PRKN: variants seen among roughly 807,000 people sequenced by gnomAD.
PRKN encodes the protein parkin RBR E3 ubiquitin protein ligase, also known as E3 ubiquitin-protein ligase parkin.
PRKN carries 56 observed loss-of-function variants against 59.5 expected under a neutral mutation model. The observed-to-expected ratio is 0.94, with a 90% CI of 0.76 to 1.18. The LOEUF (loss-of-function observed/expected upper bound fraction) is 1.18. Among genes scored for constraint, PRKN ranks in the 50% most tolerant of loss-of-function variants. The pLI is 0.00. For missense variants in PRKN, 657 were observed against 596.4 expected (o/e 1.10, Z -1.06); for synonymous variants, 250 against 222.1 (o/e 1.13, Z -1.12).
At chr6:162,546,126 CAG>C (rs1259485490) in intron 1 of PRKN, among the ~76,000 whole-genome samples, 1 of 108,574 alleles carries the variant, frequency 9.2e-6, no homozygotes, top group Non-Finnish European at 1.7e-5. Flanking sequence ...TTTTTTGAGA[CAG>C]AGTCTCACTC....
intron 6 of PRKN, among the ~76,000 whole-genome samples, chr6:161,936,329 C>T (rs1054136255): frequency 4.6e-5 from 7 of 151,536 alleles, no homozygotes; most frequent in Non-Finnish European, 8.8e-5. Context: ...CTGCCTCAGT[C>T]TCCCAAGCAG....
At chr6:162,230,613 TACAGA>T (rs1042949112) in intron 3 of PRKN, among the ~76,000 whole-genome samples, 2 of 152,218 alleles carry the variant, frequency 1.3e-5, no homozygotes, top group African/African-American at 4.8e-5. Flanking sequence ...CATGTTCTAA[TACAGA>T]ACAGCATACA....
chr6:161,360,205 C>T lies in PRKN; in HGVS notation c.1168G>A (p.Ala390Thr), dbSNP rs777708182. Residue 390 changes from alanine to threonine, a missense_variant and splice_region_variant, in exon 11 of 12, where the codon GCC (alanine) becomes ACC (threonine). Coordinates refer to ENST00000366898, the MANE Select transcript of PRKN (RefSeq NM_004562.3). This position sits in a 1 kb window ranked among gnomAD's most constrained non-coding sequence, Gnocchi z 5.1. Reference sequence around the variant, plus strand: ...GCGGCTCTTTCATCGACTCTGTAGGCCTGGGGAAACAAAGAGGAAAGGCGT... The same window carrying T: ...GCGGCTCTTTCATCGACTCTGTAGGTCTGGGGAAACAAAGAGGAAAGGCGT... ...VFEASGTTTQ[A>T]YRVDERAAEQ... 8.1e-6 allele frequency: 13 copies of T among 1,609,994 alleles called. No individual in the cohort carries two copies. The highest frequency in any genetic ancestry group is 1.7e-5 in the Admixed American group (1 of 60,014).
At chr6:162,135,047 A>G (rs760989935) in intron 4 of PRKN, among the ~76,000 whole-genome samples, 1 of 152,222 alleles carries the variant, frequency 6.6e-6, no homozygotes, top group East Asian at 1.9e-4. Context: ...TACTGATGGC[A>G]TATCAGTAGC....
chr6:162,402,315 C>A (rs1208801248), intron 2 of PRKN, among the ~76,000 whole-genome samples: 1 of 151,784 alleles, frequency 6.6e-6, no homozygotes, highest in African/African-American at 2.4e-5. Flanking sequence ...CCAGCGTTTG[C>A]CAACCATGCT....
Position 161,384,542 on chromosome 6 carries a change from C to CA in PRKN, c.1167+2251dup, listed in dbSNP as rs1255522035. Among the ~76,000 whole-genome samples the CA allele has an allele frequency of 7.9e-5, 12 of 151,900 alleles. No homozygotes were observed. The East Asian group carries it at 2.1e-3, about 27-fold the overall frequency. Reference sequence around the variant, plus strand: ...TGGGCAACACAGTGAGACCCTGGTTCAAAAAAAATGAAATAATGTCTCTTT... The same window carrying CA: ...TGGGCAACACAGTGAGACCCTGGTTCAAAAAAAAATGAAATAATGTCTCTTT... On this transcript the variant is annotated intron_variant, in intron 10 of 11. Transcript: ENST00000366898.
intron 10 of PRKN, among the ~76,000 whole-genome samples, chr6:161,381,871 G>A (rs1039033329): frequency 6.6e-6 from 1 of 152,022 alleles, no homozygotes; most frequent in Admixed American, 6.5e-5. Flanking sequence ...CCAGCACTTC[G>A]GGAGGCCAAG....
intron 7 of PRKN, among the ~76,000 whole-genome samples, chr6:161,615,567 A>G (rs1255127082): frequency 6.6e-6 from 1 of 152,210 alleles, no homozygotes; most frequent in African/African-American, 2.4e-5. Context: ...CTATGTTACA[A>G]TAGCCACAAG....
At chr6:162,637,942 G>A (rs779320141) in intron 1 of PRKN, among the ~76,000 whole-genome samples, 8 of 152,106 alleles carry the variant, frequency 5.3e-5, no homozygotes, top group Admixed American at 2.6e-4. Context: ...GAACGCCAAT[G>A]AATGATTGAA....
intron 7 of PRKN, among the ~76,000 whole-genome samples, chr6:161,749,886 T>TA (rs962631593): frequency 1.3e-5 from 2 of 152,088 alleles, no homozygotes; most frequent in Non-Finnish European, 2.9e-5. Flanking sequence ...CAGAGTACTT[T>TA]AAAAAACAAC....
At chr6:161,675,567 C>T (rs373742836) in intron 7 of PRKN, among the ~76,000 whole-genome samples, 5 of 152,262 alleles carry the variant, frequency 3.3e-5, no homozygotes, top group East Asian at 1.9e-4. Context: ...TCTGAGTTCA[C>T]GGGCAGTGGT....
At chr6:161,512,658 G>A (rs1468647594) in intron 9 of PRKN, among the ~76,000 whole-genome samples, 2 of 152,156 alleles carry the variant, frequency 1.3e-5, no homozygotes, top group African/African-American at 4.8e-5. Flanking sequence ...CCAAGAGGAA[G>A]CTCTTTCTAC....
At chr6:161,997,262 C>T (rs1781883291) in intron 5 of PRKN, among the ~76,000 whole-genome samples, 1 of 151,972 alleles carries the variant, frequency 6.6e-6, no homozygotes, top group South Asian at 2.1e-4. Flanking sequence ...CAGTGGAAGC[C>T]TAGGAAAACA....
intron 7 of PRKN, among the ~76,000 whole-genome samples, chr6:161,668,266 G>GAA (rs11386769): frequency 3.3e-4 from 40 of 121,606 alleles, no homozygotes; most frequent in Middle Eastern, 8.6e-3. Flanking sequence ...TTCATATAAA[G>GAA]AAAAAAAAAA....
At position 161,393,121 on chromosome 6, in the gene PRKN, C is replaced by A. The variant is rs1244915937; in HGVS notation, c.1084-6244G>T. 1.3e-5 allele frequency among the ~76,000 whole-genome samples: 2 copies of A among 151,922 alleles called. No homozygotes were observed. The highest frequency in any genetic ancestry group is 4.8e-5 in the African/African-American group (2 of 41,304). ...CTTTGCTTGAGCTTTTTTGCATCTA[C>A]AAAGAAGAAATAATAAGATAAAGAA... On this transcript the variant is annotated intron_variant, in intron 9 of 11. Transcript: ENST00000366898. The surrounding 1 kb of genome is among the most constrained non-coding windows in gnomAD (Gnocchi z 4.7).
At chr6:162,599,663 G>A (rs1421330798) in intron 1 of PRKN, among the ~76,000 whole-genome samples, 1 of 152,110 alleles carries the variant, frequency 6.6e-6, no homozygotes, top group African/African-American at 2.4e-5. Context: ...AAACGTCAGG[G>A]TACACGACAG....
rs1208202339 is a variant in PRKN at position 162,472,557 on chromosome 6, G to A, written c.8-29084C>T. Among the ~76,000 whole-genome samples, 7 of 125,460 alleles carry A rather than the reference G, an allele frequency of 5.6e-5. 1 individual carries two copies. The highest frequency in any genetic ancestry group is 2.5e-4 in the Admixed American group (3 of 11,946). The allele number at this position is 125,460 out of a possible 152,430, so 82.3% of individuals were successfully genotyped here. A position where few individuals can be genotyped will look rare whatever the true frequency, so the allele number is the denominator to read the frequency against. On this transcript the variant is annotated intron_variant, in intron 1 of 11. Coordinates refer to ENST00000366898, the MANE Select transcript of PRKN (RefSeq NM_004562.3). ...CTGCGGACTGCAGTGGCGCAATCTC[G>A]GCTCACTGCAAGCTCCGCTTCCCGG... is the stretch of plus-strand genomic sequence containing the variant.
chr6:161,658,129 T>G (rs1220539527), intron 7 of PRKN, among the ~76,000 whole-genome samples: 2 of 152,138 alleles, frequency 1.3e-5, no homozygotes, highest in African/African-American at 2.4e-5. Flanking sequence ...GTTTTCTTAT[T>G]TCCATTTACC....
chr6:161,426,440 C>A (rs924084464), intron 9 of PRKN, among the ~76,000 whole-genome samples: 1 of 151,970 alleles, frequency 6.6e-6, no homozygotes, highest in African/African-American at 2.4e-5. Flanking sequence ...ATAAAGCAGG[C>A]AGAAAAACAT....
Sources: allele counts gnomAD v4.1 joint callset (sites outside exome capture counted in the v4.1 genomes callset), GRCh38; gene constraint gnomAD v4.1.1; non-coding constraint Gnocchi (gnomAD v3.1); transcripts MANE v1.5; gene names NCBI Gene and HGNC (gene_info 2026-07-23, HGNC 2026-07-21).